PCDHAC1: variants seen among roughly 807,000 people sequenced by gnomAD.
The protein encoded by PCDHAC1 is protocadherin alpha-C1.
In PCDHAC1, 42 loss-of-function variants were observed where a neutral mutation model predicts 60.0. That is an observed-to-expected ratio of 0.70 (90% CI 0.55 to 0.90). PCDHAC1 has a LOEUF of 0.90. PCDHAC1 is among the 40% of genes least tolerant of loss of function. The pLI, the probability that PCDHAC1 is intolerant of heterozygous loss-of-function variation, is 0.00. For synonymous variants in PCDHAC1, 468 were observed against 499.3 expected (o/e 0.94, Z 0.84); for missense variants, 1,160 against 1,222.3 (o/e 0.95, Z 0.76).
In PCDHAC1 at chr5:140,999,156, C is replaced by T. The variant is rs533302480; in HGVS notation, c.2582-10471C>T. On this transcript the variant is annotated intron_variant, in intron 3 of 3. Transcript: ENST00000253807. ...GTCACAGCCGGAAGTCTTCAGTCCCCTAGAAGGAAAAGAGCCTGATGGGGA... is the reference window on the plus strand; with the variant it reads ...GTCACAGCCGGAAGTCTTCAGTCCCTTAGAAGGAAAAGAGCCTGATGGGGA... 4.6e-5 allele frequency among the ~76,000 whole-genome samples: 7 copies of T among 152,280 alleles called. No individual in the cohort carries two copies. In the East Asian group the frequency reaches 1.4e-3, roughly 29 times the overall value.
intron 1 of PCDHAC1, among the ~76,000 whole-genome samples, chr5:140,964,876 G>A (rs2095860081): frequency 6.6e-6 from 1 of 152,188 alleles, no homozygotes; most frequent in Non-Finnish European, 1.5e-5. Flanking sequence ...CAAATAAGAA[G>A]CAGCAGTGAT....
At chr5:140,953,331 A>G (rs2153698892) in intron 1 of PCDHAC1, among the ~76,000 whole-genome samples, 1 of 152,248 alleles carries the variant, frequency 6.6e-6, no homozygotes, top group South Asian at 2.1e-4. Flanking sequence ...CATAGAATTT[A>G]GGGCTCACCT....
chr5:140,957,169 A>T (rs868935808), intron 1 of PCDHAC1, among the ~76,000 whole-genome samples: 16 of 152,164 alleles, frequency 1.1e-4, no homozygotes, highest in African/African-American at 3.9e-4. Flanking sequence ...CTAAGTATAT[A>T]AATTGGTTTA....
intron 1 of PCDHAC1, among the ~76,000 whole-genome samples, chr5:140,975,429 C>T (rs1006180121): frequency 2.6e-5 from 4 of 152,208 alleles, no homozygotes; most frequent in African/African-American, 9.6e-5. Flanking sequence ...AGGGTGTGCA[C>T]ACCAGGATAT....
intron 1 of PCDHAC1, among the ~76,000 whole-genome samples, chr5:140,975,553 G>A (rs990389718): frequency 6.6e-6 from 1 of 152,226 alleles, no homozygotes; most frequent in Non-Finnish European, 1.5e-5. Flanking sequence ...TATTAGGAAG[G>A]AAAAGGAGAT....
intron 1 of PCDHAC1, among the ~76,000 whole-genome samples, chr5:140,953,756 G>C (rs2094932328): frequency 6.6e-6 from 1 of 152,208 alleles, no homozygotes; most frequent in South Asian, 2.1e-4. Context: ...ATTTATCCAA[G>C]AATTAAATTT....
intron 1 of PCDHAC1, among the ~76,000 whole-genome samples, chr5:140,961,914 C>T (rs192184): frequency 0.56 from 84,843 of 150,390 alleles, 24,472 homozygotes; most frequent in African/African-American, 0.69. Context: ...GATGGAGTCT[C>T]GCTCTGTTGC....
intron 3 of PCDHAC1, among the ~76,000 whole-genome samples, chr5:140,985,090 A>C (rs1214396432): frequency 6.6e-6 from 1 of 152,076 alleles, no homozygotes; most frequent in Non-Finnish European, 1.5e-5. Context: ...GGCGTGTGCC[A>C]CCAAGCCTGG....
chr5:140,983,218 C>T (rs757778991), intron 3 of PCDHAC1, among the ~76,000 whole-genome samples: 10 of 152,128 alleles, frequency 6.6e-5, no homozygotes, highest in Non-Finnish European at 1.5e-4. Flanking sequence ...ATTTCCTAAT[C>T]CAAACTTTCA....
intron 1 of PCDHAC1, chr5:140,966,785 A>G: frequency 6.6e-7 from 1 of 1,522,872 alleles, no homozygotes. Flanking sequence ...GGCGGGCACC[A>G]GACCTGCGGC....
intron 3 of PCDHAC1, among the ~76,000 whole-genome samples, chr5:140,985,013 C>T (rs1022576947): frequency 8.6e-5 from 13 of 152,046 alleles, no homozygotes; most frequent in Non-Finnish European, 1.3e-4. Context: ...TATCGGCTCA[C>T]AGCAACCTCT....
intron 3 of PCDHAC1, among the ~76,000 whole-genome samples, chr5:140,999,505 A>T (rs1221080631): frequency 1.3e-5 from 2 of 152,134 alleles, no homozygotes; most frequent in African/African-American, 4.8e-5. Context: ...AAGAACCTAC[A>T]TTTTAAGCAT....
In PCDHAC1 at chr5:140,927,149, T is replaced by C; in HGVS notation, c.257T>C (p.Leu86Pro). Reference protein sequence around the residue: ...VVREPADREQLCRAKAACVLT... With the variant: ...VVREPADREQPCRAKAACVLT... ...AGAGAGCCGGCGGACCGCGAACAGC[T>C]GTGCAGGGCCAAAGCTGCCTGCGTC... The change falls in exon 1 of 4, where the codon CTG (leucine) becomes CCG (proline). Residue 86 changes from leucine to proline, a missense_variant. By Grantham distance (98) the Leu-to-Pro change is moderately conservative (BLOSUM62 -3). Around this residue, in one of 3 missense-constraint regions of PCDHAC1, gnomAD observed 1,113 missense variants for 1,163.7 expected, o/e 0.96. Coordinates refer to ENST00000253807, the MANE Select transcript of PCDHAC1 (RefSeq NM_018898.5). The C allele has an allele frequency of 1.2e-6, 2 of 1,614,168 alleles. No individual in the cohort carries two copies. Among genetic ancestry groups the C allele is most frequent in the Non-Finnish European group, 1.7e-6 (2 of 1,180,024 alleles).
In PCDHAC1 at chr5:141,011,598, G is replaced by A. The variant is rs530366689; in HGVS notation, c.*1661G>A. ...TTAAATCAAGATACTGGTGATTCAA[G>A]GAATTTTATTTATGGTCCAGCCAAG... On this transcript the variant is annotated 3_prime_UTR_variant, in exon 4 of 4. Transcript: ENST00000253807. 6.5e-6 allele frequency: 1 copy of A among 153,736 alleles called. No homozygotes were observed. Among genetic ancestry groups the A allele is most frequent in the Non-Finnish European group, 1.5e-5 (1 of 68,012 alleles). The allele number at this position is 153,736 out of a possible 1,614,324, so 9.5% of individuals were successfully genotyped here.
At chr5:140,982,824 G>GGTTT (rs74513655) in intron 3 of PCDHAC1, among the ~76,000 whole-genome samples, 1 of 151,942 alleles carries the variant, frequency 6.6e-6, no homozygotes, top group African/African-American at 2.4e-5. Context: ...AAGTTTTTGG[G>GGTTT]GTTTGTTTGT....
intron 1 of PCDHAC1, chr5:140,966,281 G>C (rs1261464121): frequency 8.2e-5 from 30 of 366,710 alleles, no homozygotes; most frequent in Non-Finnish European, 1.3e-4. Flanking sequence ...TGGACAGTGG[G>C]GGTAGGGAGA....
chr5:140,941,447 C>T (rs1180553779), intron 1 of PCDHAC1, among the ~76,000 whole-genome samples: 1 of 150,780 alleles, frequency 6.6e-6, no homozygotes, highest in South Asian at 2.1e-4. Flanking sequence ...TCGGGAGTAG[C>T]TGGGATTACA....
intron 1 of PCDHAC1, among the ~76,000 whole-genome samples, chr5:140,965,094 A>G (rs1289535686): frequency 6.6e-6 from 1 of 152,236 alleles, no homozygotes; most frequent in Non-Finnish European, 1.5e-5. Context: ...TCCAGTCCAT[A>G]GCTAGAAAAT....
At chr5:140,994,036 A>G (rs1176195849) in intron 3 of PCDHAC1, among the ~76,000 whole-genome samples, 1 of 152,210 alleles carries the variant, frequency 6.6e-6, no homozygotes, top group African/African-American at 2.4e-5. Flanking sequence ...AATATTAAAT[A>G]TAACACAGTC....
Sources: gnomAD v4.1 joint callset for allele counts (sites outside exome capture counted in the v4.1 genomes callset) on GRCh38, gnomAD v4.1.1 for gene constraint, gnomAD v4.1.1 regional missense constraint, MANE v1.5 for transcripts, NCBI Gene and HGNC (gene_info 2026-07-23, HGNC 2026-07-21) for gene names.